Variants in TMEM131 observed in about 807,000 individuals in gnomAD.
TMEM131 encodes 2610524E03Rik.
A neutral mutation model predicts 211.6 loss-of-function variants in TMEM131; 66 were observed. That is an observed-to-expected ratio of 0.31 (90% CI 0.26 to 0.38). TMEM131 has a LOEUF of 0.38. TMEM131 is among the 10% of genes least tolerant of loss of function. TMEM131 has a pLI of 1.00. For missense variants in TMEM131, 2,036 were observed against 2,299.3 expected (o/e 0.89, Z 2.34); for synonymous variants, 844 against 841.3 (o/e 1.00, Z -0.06).
At chr2:97,839,812 G>A (rs538604565) in intron 7 of TMEM131, among the ~76,000 whole-genome samples, 59 of 152,338 alleles carry the variant, frequency 3.9e-4, no homozygotes, top group African/African-American at 1.1e-3. Flanking sequence ...ACAGTCACAC[G>A]TAGCTAGCGG....
intron 4 of TMEM131, among the ~76,000 whole-genome samples, chr2:97,867,244 C>A (rs1040977540): frequency 2.6e-5 from 4 of 152,124 alleles, no homozygotes; most frequent in African/African-American, 9.7e-5. Flanking sequence ...TTATCTTCTG[C>A]CTAGATGGTA....
At chr2:97,820,897 T>C (rs1402047936) in intron 11 of TMEM131, among the ~76,000 whole-genome samples, 2 of 152,076 alleles carry the variant, frequency 1.3e-5, no homozygotes, top group Admixed American at 6.5e-5. Flanking sequence ...TGGGTTGTTT[T>C]CTGAGATCCC....
At chr2:97,849,642 T>A (rs546567338) in intron 5 of TMEM131, among the ~76,000 whole-genome samples, 1 of 150,902 alleles carries the variant, frequency 6.6e-6, no homozygotes, top group Non-Finnish European at 1.5e-5. Context: ...CAAATACATA[T>A]AAAATATATA....
At chr2:97,761,789 G>A (rs898549275) in intron 36 of TMEM131, 4 of 438,220 alleles carry the variant, frequency 9.1e-6, no homozygotes, top group Non-Finnish European at 1.2e-5. Flanking sequence ...GTTAAATGGT[G>A]CATTTCTCGG....
intron 3 of TMEM131, among the ~76,000 whole-genome samples, chr2:97,888,498 T>C (rs1675252470): frequency 6.6e-6 from 1 of 152,202 alleles, no homozygotes; most frequent in Non-Finnish European, 1.5e-5. Context: ...AGACAATATA[T>C]GAAGACAAAA....
At chr2:97,916,079 A>C (rs1354626686) in intron 2 of TMEM131, among the ~76,000 whole-genome samples, 1 of 151,972 alleles carries the variant, frequency 6.6e-6, no homozygotes, top group African/African-American at 2.4e-5. Flanking sequence ...ACGCCCAGCT[A>C]ATTTTTTTTA....
At chr2:97,875,936 T>C (rs1674675814) in intron 4 of TMEM131, among the ~76,000 whole-genome samples, 4 of 152,132 alleles carry the variant, frequency 2.6e-5, no homozygotes, top group African/African-American at 7.2e-5. Flanking sequence ...AGGAGCTGTG[T>C]TTTTGAAAAG....
chr2:97,822,124 A>T (rs1349088093), intron 11 of TMEM131, among the ~76,000 whole-genome samples: 1 of 152,116 alleles, frequency 6.6e-6, no homozygotes, highest in Non-Finnish European at 1.5e-5. Context: ...CGCTTCTAAA[A>T]ACCACTCTCT....
At chr2:97,797,954 G>A (rs2309317) in intron 25 of TMEM131, among the ~76,000 whole-genome samples, 114,285 of 152,170 alleles carry the variant, frequency 0.75, 44,606 homozygotes, top group African/African-American at 0.87. Context: ...GCTCCCCTCT[G>A]AAGGGGACCA....
chr2:97,938,114 T>C (rs955371069), intron 1 of TMEM131, among the ~76,000 whole-genome samples: 1 of 152,138 alleles, frequency 6.6e-6, no homozygotes, highest in Non-Finnish European at 1.5e-5. Context: ...GAAGAAACTG[T>C]ATCAACTAAC....
At chr2:97,915,339 T>A (rs1348329418) in intron 2 of TMEM131, among the ~76,000 whole-genome samples, 2 of 152,176 alleles carry the variant, frequency 1.3e-5, no homozygotes, top group African/African-American at 4.8e-5. Flanking sequence ...TTTGTTTTTG[T>A]GAGACCAGTC....
At chr2:97,786,322 G>C (rs1412275381) in intron 31 of TMEM131, among the ~76,000 whole-genome samples, 1 of 152,090 alleles carries the variant, frequency 6.6e-6, no homozygotes, top group Non-Finnish European at 1.5e-5. Flanking sequence ...TGAGGCAGAG[G>C]GATTGCTTGA....
intron 11 of TMEM131, among the ~76,000 whole-genome samples, chr2:97,828,015 G>A (rs1458248443): frequency 6.6e-6 from 1 of 152,154 alleles, no homozygotes; most frequent in Non-Finnish European, 1.5e-5. Flanking sequence ...AGAATTGTGT[G>A]CACTCTGTAA....
At chr2:97,811,502 T>C (rs1485881937) in intron 17 of TMEM131, among the ~76,000 whole-genome samples, 1 of 152,164 alleles carries the variant, frequency 6.6e-6, no homozygotes, top group African/African-American at 2.4e-5. Flanking sequence ...CTCCTCACTC[T>C]TTACCCATGG....
intron 3 of TMEM131, among the ~76,000 whole-genome samples, chr2:97,901,012 T>C (rs1190117605): frequency 6.6e-6 from 1 of 152,310 alleles, no homozygotes; most frequent in Non-Finnish European, 1.5e-5. Flanking sequence ...TTTCTAAACA[T>C]ATACATTCAA....
At chr2:97,881,242 C>CTT (rs10713748) in intron 4 of TMEM131, among the ~76,000 whole-genome samples, 2 of 144,758 alleles carry the variant, frequency 1.4e-5, no homozygotes, top group Admixed American at 6.9e-5. Context: ...TCTTGCGACT[C>CTT]TTTTTTTTTT....
intron 1 of TMEM131, among the ~76,000 whole-genome samples, chr2:97,928,944 T>C (rs1423912806): frequency 6.6e-6 from 1 of 151,876 alleles, no homozygotes; most frequent in Admixed American, 6.5e-5. Flanking sequence ...TATAGATGTG[T>C]ATATTCATAG....
intron 1 of TMEM131, among the ~76,000 whole-genome samples, chr2:97,944,927 TTACCATACAATA>T (rs1393532046): frequency 2.0e-5 from 3 of 152,116 alleles, no homozygotes; most frequent in Admixed American, 2.0e-4. Flanking sequence ...AAATATAAAG[TTACCATACAATA>T]TACCAATTAT....
intron 3 of TMEM131, among the ~76,000 whole-genome samples, chr2:97,888,677 C>T (rs1465142985): frequency 6.6e-6 from 1 of 152,166 alleles, no homozygotes; most frequent in Non-Finnish European, 1.5e-5. Context: ...AACTAACCCA[C>T]CTGATACCAG....
Sources: gnomAD v4.1 joint callset for allele counts (sites outside exome capture counted in the v4.1 genomes callset) on GRCh38, gnomAD v4.1.1 for gene constraint, MANE v1.5 for transcripts, NCBI Gene and HGNC (gene_info 2026-07-23, HGNC 2026-07-21) for gene names.